Variants in CEP128 observed in about 807,000 individuals in gnomAD.
The protein encoded by CEP128 is centrosomal protein 128kDa.
CEP128 carries 132 observed loss-of-function variants against 156.7 expected under a neutral mutation model. That is an observed-to-expected ratio of 0.84 (90% confidence interval 0.73 to 0.97). The LOEUF is 0.97. Ranked by LOEUF, CEP128 falls within the 50% of genes least tolerant of loss-of-function variation. The pLI, the probability that CEP128 is intolerant of heterozygous loss-of-function variation, is 0.00. For synonymous variants in CEP128, 469 were observed against 448.9 expected (o/e 1.04, Z -0.57); for missense variants, 1,252 against 1,281.9 (o/e 0.98, Z 0.36).
chr14:80,756,766 T>C (rs1430502536), intron 18 of CEP128, 126 bp downstream of exon 18: 3 of 653,190 alleles, frequency 4.6e-6, no homozygotes, highest in Non-Finnish European at 8.2e-6. Flanking sequence ...CAGTGATATC[T>C]TCCCCTGCAA....
At chr14:80,580,344 C>G (rs749481032) in intron 20 of CEP128, 30 bp downstream of exon 20, 47 of 1,478,828 alleles carry the variant, frequency 3.2e-5, no homozygotes, top group East Asian at 4.5e-5. Flanking sequence ...GTTTTCATAC[C>G]AAGCATGCTT....
intron 20 of CEP128, among the ~76,000 whole-genome samples, chr14:80,574,296 C>T (rs1163623668): frequency 6.6e-6 from 1 of 152,174 alleles, no homozygotes; most frequent in East Asian, 1.9e-4. Flanking sequence ...TAAAGCAATT[C>T]CGAGGGAACT....
At chr14:80,484,810 G>A (rs1379019037) in intron 14 of CEP128, among the ~76,000 whole-genome samples, 2 of 151,590 alleles carry the variant, frequency 1.3e-5, no homozygotes, top group Admixed American at 6.6e-5. Flanking sequence ...CACTGGAAAG[G>A]TATTGAACAT....
At chr14:80,600,896 G>A (rs902506545) in intron 19 of CEP128, among the ~76,000 whole-genome samples, 3 of 148,782 alleles carry the variant, frequency 2.0e-5, no homozygotes, top group Non-Finnish European at 4.5e-5. Flanking sequence ...AATTACGGAA[G>A]AGCAAAAAAA....
At chr14:80,608,991 A>G (rs1008073288) in intron 19 of CEP128, among the ~76,000 whole-genome samples, 2 of 152,170 alleles carry the variant, frequency 1.3e-5, no homozygotes, top group Non-Finnish European at 2.9e-5. Context: ...TGACTATAGG[A>G]ATGCATATTA....
Position 80,785,540 on chromosome 14 carries a change from T to C in CEP128, c.1566A>G (p.Leu522=), listed in dbSNP as rs1901361759. The C allele has an allele frequency of 1.9e-6, 3 of 1,600,540 alleles. No homozygotes were observed. The highest frequency in any genetic ancestry group is 1.7e-6 in the Non-Finnish European group (2 of 1,174,204). Residue 522 remains leucine, a synonymous_variant, in exon 15 of 25, where the codon TTA becomes TTG. Coordinates refer to ENST00000555265, the MANE Select transcript of CEP128 (RefSeq NM_152446.5). ...DELTGKNNQI[L]KEKDELKTQL... is the part of the protein sequence containing the mutation. The stretch of plus-strand genomic sequence containing the variant: ...GGGTTTTCAATTCATCCTTTTCTTT[T>C]AAAATCTATCAGGTTAAGAACATGA...
chr14:80,703,202 T>C (rs1426487481), intron 19 of CEP128, among the ~76,000 whole-genome samples: 1 of 152,108 alleles, frequency 6.6e-6, no homozygotes, highest in Non-Finnish European at 1.5e-5. Flanking sequence ...GGTCCAATTC[T>C]TCATTTGTAA....
chr14:80,707,225 A>G (rs117238390), intron 19 of CEP128, among the ~76,000 whole-genome samples: 1,688 of 152,274 alleles, frequency 0.011, 12 homozygotes, highest in Non-Finnish European at 0.015. Context: ...TAAGCAGGCA[A>G]TCACTCTGGT....
upstream of CEP128, among the ~76,000 whole-genome samples, chr14:80,944,884 A>C (rs1886302222): frequency 1.3e-5 from 2 of 150,886 alleles, no homozygotes; most frequent in Admixed American, 1.3e-4. Context: ...AAACAAAAAA[A>C]AAAAAAACCA....
intron 14 of CEP128, among the ~76,000 whole-genome samples, chr14:80,789,936 T>C (rs1336631014): frequency 6.6e-6 from 1 of 152,014 alleles, no homozygotes. Flanking sequence ...GATGGCTGGA[T>C]TATACTAATA....
In CEP128 at chr14:80,784,792, T is replaced by A. The variant is rs1369099524; in HGVS notation, c.2211+103A>T. Reference sequence around the variant, plus strand: ...ATTGTTGGTTTTATCTTCCCTTCAGTGCTTGGGAATACAGAATGATCTCTA... The same window carrying A: ...ATTGTTGGTTTTATCTTCCCTTCAGAGCTTGGGAATACAGAATGATCTCTA... On this transcript the variant is annotated intron_variant, in intron 15 of 24. Transcript: ENST00000555265. The A allele has an allele frequency of 3.0e-6, 3 of 1,009,754 alleles. No individual in the cohort carries two copies. In the East Asian group the frequency reaches 7.2e-5, roughly 24 times the overall value. 62.5% of individuals were successfully genotyped at this position (1,009,754 alleles called of 1,614,324 possible).
exon 15 of CEP128, chr14:80,478,096 C>T (rs940991414): frequency 6.6e-6 from 1 of 152,084 alleles, no homozygotes; most frequent in African/African-American, 2.4e-5. Context: ...AATCAATAAA[C>T]ACTTTTTACT....
intron 22 of CEP128, among the ~76,000 whole-genome samples, chr14:80,528,163 A>AGG (rs982592934): frequency 3.0e-4 from 46 of 152,376 alleles, no homozygotes; most frequent in African/African-American, 9.9e-4. Context: ...ACTAGAGCCC[A>AGG]GGGAAGTTAA....
intron 19 of CEP128, among the ~76,000 whole-genome samples, chr14:80,707,373 C>A (rs903386841): frequency 6.6e-6 from 1 of 152,064 alleles, no homozygotes; most frequent in Admixed American, 6.6e-5. Context: ...GCTAGAGCTG[C>A]CTGAGGAGGG....
chr14:80,596,999 C>T (rs1047354564), intron 19 of CEP128, among the ~76,000 whole-genome samples: 21 of 141,830 alleles, frequency 1.5e-4, no homozygotes, highest in Non-Finnish European at 6.2e-5. Context: ...CCTATGCTCC[C>T]ACCTCAAGAA....
chr14:80,620,356 T>G (rs530042566), intron 19 of CEP128, among the ~76,000 whole-genome samples: 1 of 152,180 alleles, frequency 6.6e-6, no homozygotes, highest in Admixed American at 6.5e-5. Context: ...TAAAAAATCT[T>G]CTAGAACTGT....
chr14:80,794,518 C>T (rs1901884677), intron 13 of CEP128, among the ~76,000 whole-genome samples: 1 of 152,040 alleles, frequency 6.6e-6, no homozygotes, highest in African/African-American at 2.4e-5. Context: ...TTACCTTTTG[C>T]TCTTATTCTA....
chr14:80,648,221 A>G, intron 19 of CEP128, among the ~76,000 whole-genome samples: 1 of 151,938 alleles, frequency 6.6e-6, no homozygotes, highest in East Asian at 1.9e-4. Flanking sequence ...TTTAAGCAAA[A>G]GTATCTTTCT....
intron 8 of CEP128, among the ~76,000 whole-genome samples, chr14:80,886,322 A>AAAT (rs1312437863): frequency 6.6e-6 from 1 of 152,086 alleles, no homozygotes; most frequent in Admixed American, 6.6e-5. Context: ...CCAAGACACA[A>AAAT]AATTGTCAGA....
Sources: gnomAD v4.1 joint callset for allele counts (sites outside exome capture counted in the v4.1 genomes callset) on GRCh38, gnomAD v4.1.1 for gene constraint, MANE v1.5 for transcripts, NCBI Gene and HGNC (gene_info 2026-07-23, HGNC 2026-07-21) for gene names.